UQCRC1: variants seen among roughly 807,000 people sequenced by gnomAD.
UQCRC1 encodes cytochrome b-c1 complex subunit 1, mitochondrial.
Under a neutral mutation model 58.0 loss-of-function variants are expected in UQCRC1, and 34 were observed. The observed-to-expected ratio is 0.59, with a 90% confidence interval of 0.45 to 0.78. UQCRC1 has a LOEUF of 0.78. Among genes scored for constraint, UQCRC1 ranks in the 30% least tolerant of loss-of-function variants. The pLI is 0.00. For missense variants in UQCRC1, 610 were observed against 646.0 expected (o/e 0.94, Z 0.60); for synonymous variants, 276 against 248.8 (o/e 1.11, Z -1.03).
At chr3:48,606,276 T>C (rs1210398054) in intron 2 of UQCRC1, among the ~76,000 whole-genome samples, 5 of 152,274 alleles carry the variant, frequency 3.3e-5, no homozygotes, top group Admixed American at 3.3e-4. Flanking sequence ...AATGATTTTA[T>C]CCTTTCATCA....
chr3:48,600,220 C>T (rs1026476330), intron 10 of UQCRC1, 69 bp from the exon 11 acceptor site: 1 of 1,555,358 alleles, frequency 6.4e-7, no homozygotes, highest in East Asian at 2.2e-5. Context: ...CACAAACAAT[C>T]TCCAGCCTCA....
At chr3:48,603,976 G>A in intron 5 of UQCRC1, 2 of 588,516 alleles carry the variant, frequency 3.4e-6, no homozygotes, top group South Asian at 4.2e-5. Flanking sequence ...CCACATGGAG[G>A]GGACACCCAG....
At chr3:48,604,468 A>G in intron 4 of UQCRC1, 37 bp from the exon 5 acceptor site, 1 of 1,606,330 alleles carries the variant, frequency 6.2e-7, no homozygotes, top group Non-Finnish European at 8.5e-7. Context: ...TGCCAGGTGG[A>G]CCACTGCAGA....
intron 2 of UQCRC1, among the ~76,000 whole-genome samples, chr3:48,608,792 C>A (rs936915778): frequency 6.6e-6 from 1 of 152,152 alleles, no homozygotes; most frequent in Non-Finnish European, 1.5e-5. Flanking sequence ...GAGATTATGA[C>A]CTTGGGCAGT....
chr3:48,600,002 T>C, intron 11 of UQCRC1, 61 bp downstream of exon 11: 1 of 1,598,634 alleles, frequency 6.3e-7, no homozygotes, highest in South Asian at 1.1e-5. Flanking sequence ...GCCCCAACCC[T>C]ACACCTCCCA....
chr3:48,600,736 G>C lies in UQCRC1; in HGVS notation c.1071C>G (p.His357Gln). ...CGATTTTCATTCGGTCACAGACAAA[G>C]TGTGCACCCAGCAAGCCCGTCTCTG... ...CYAETGLLGA[H>Q]FVCDRMKIDD... The change falls in exon 9 of 13, where the codon CAC becomes CAG. Residue 357 changes from histidine (H) to glutamine (Q), a missense_variant. His to Gln is a conservative substitution (Grantham distance 24). Transcript: ENST00000203407. 6.2e-7 allele frequency: 1 copy of C among 1,614,180 alleles called. No individual in the cohort carries two copies. The highest frequency in any genetic ancestry group is 8.5e-7 in the Non-Finnish European group (1 of 1,180,044).
chr3:48,603,759 G>T, intron 5 of UQCRC1, 116 bp from the exon 6 acceptor site: 1 of 982,130 alleles, frequency 1.0e-6, no homozygotes, highest in Non-Finnish European at 1.6e-6. Context: ...TCCGAAGAGT[G>T]GGCCCTAGCA....
At chr3:48,605,689 G>A in intron 3 of UQCRC1, 81 bp downstream of exon 3, 4 of 1,407,134 alleles carry the variant, frequency 2.8e-6, no homozygotes, top group Non-Finnish European at 2.9e-6. Flanking sequence ...CCCATAATCA[G>A]GCTAATTTTT....
intron 11 of UQCRC1, among the ~76,000 whole-genome samples, 166 bp downstream of exon 11, chr3:48,599,897 G>A (rs899305825): frequency 3.3e-5 from 5 of 152,184 alleles, no homozygotes; most frequent in Admixed American, 2.6e-4. Context: ...ACAGCCATCA[G>A]CACCTATGCC....
rs368692812 is a variant in UQCRC1, at chr3:48,601,329, C to T, written c.822+23G>A. 103 of 1,612,884 alleles carry T rather than the reference C, an allele frequency of 6.4e-5. 1 individual carries two copies. In the African/African-American group the frequency reaches 1.1e-3, roughly 18 times the overall value. On this transcript the variant is annotated intron_variant, in intron 7 of 12. Coordinates refer to ENST00000203407, the MANE Select transcript of UQCRC1 (RefSeq NM_003365.3). Reference sequence around the variant, plus strand: ...CCCACAGGCCCCCAGCTGAGCACTACTCCTGCCCAAAAGGCAGCATACCTC... The same window carrying T: ...CCCACAGGCCCCCAGCTGAGCACTATTCCTGCCCAAAAGGCAGCATACCTC...
chr3:48,607,551 AT>A (rs963045226), intron 2 of UQCRC1, among the ~76,000 whole-genome samples: 5 of 143,262 alleles, frequency 3.5e-5, no homozygotes, highest in Admixed American at 1.4e-4. Context: ...CTGAAACTCC[AT>A]TTTTTTCTTT....
At chr3:48,604,898 C>G (rs1332986308) in intron 3 of UQCRC1, 118 bp from the exon 4 acceptor site, 2 of 1,406,064 alleles carry the variant, frequency 1.4e-6, no homozygotes, top group Non-Finnish European at 1.9e-6. Context: ...TCAGCATAGA[C>G]TCTGGGGACA....
At chr3:48,601,670 G>C (rs1201496632) in intron 6 of UQCRC1, among the ~76,000 whole-genome samples, 4 of 152,300 alleles carry the variant, frequency 2.6e-5, no homozygotes, top group South Asian at 2.1e-4. Flanking sequence ...GGGCCAAATA[G>C]CTCCCATGGC....
intron 6 of UQCRC1, among the ~76,000 whole-genome samples, chr3:48,602,054 T>C (rs1426408670): frequency 3.1e-5 from 3 of 96,340 alleles, no homozygotes; most frequent in Non-Finnish European, 4.4e-5. Context: ...TGCATTGGCC[T>C]TTTTTTTTTT....
intron 2 of UQCRC1, among the ~76,000 whole-genome samples, chr3:48,606,109 C>T (rs959396586): frequency 5.3e-5 from 8 of 152,234 alleles, no homozygotes; most frequent in African/African-American, 1.9e-4. Context: ...ACACTTCTAA[C>T]TGTGCACATT....
intron 2 of UQCRC1, among the ~76,000 whole-genome samples, chr3:48,606,531 G>A (rs967754986): frequency 1.3e-5 from 2 of 152,112 alleles, no homozygotes; most frequent in Non-Finnish European, 2.9e-5. Flanking sequence ...GGTGGATTAC[G>A]AGGTCAGCAG....
At chr3:48,605,705 C>T in intron 3 of UQCRC1, 65 bp downstream of exon 3, 1 of 1,520,776 alleles carries the variant, frequency 6.6e-7, no homozygotes, top group Non-Finnish European at 8.9e-7. Flanking sequence ...TTTTTCTGAC[C>T]TTCATCCTCA....
At position 48,603,829 on chromosome 3, in the gene UQCRC1, CCCTTGTCTGCCCT is replaced by C. The variant is rs1310598799; in HGVS notation, c.627-199_627-187del. The stretch of plus-strand genomic sequence containing the variant: ...CACCCCTCCAGGGCCCAGAGGGCAA[CCCTTGTCTGCCCT>C]TGCCTCATGCCTGACTTCAGGACAG... On this transcript the variant is annotated intron_variant, in intron 5 of 12. Transcript: ENST00000203407. 1.8e-3 allele frequency among the ~76,000 whole-genome samples: 276 copies of C among 152,262 alleles called. 1 individual carries two copies. The highest frequency in any genetic ancestry group is 6.2e-3 in the African/African-American group (259 of 41,546).
chr3:48,606,522 G>A (rs2046414343), intron 2 of UQCRC1, among the ~76,000 whole-genome samples: 1 of 152,194 alleles, frequency 6.6e-6, no homozygotes, highest in African/African-American at 2.4e-5. Context: ...GCCAAGGCAG[G>A]TGGATTACGA....
Sources: allele counts gnomAD v4.1 joint callset (sites outside exome capture counted in the v4.1 genomes callset), GRCh38; gene constraint gnomAD v4.1.1; transcripts MANE v1.5; gene names NCBI Gene and HGNC (gene_info 2026-07-23, HGNC 2026-07-21).